Variants in GAS7 observed in about 807,000 individuals in gnomAD.
GAS7 encodes the protein growth arrest-specific protein 7.
In GAS7, 28 loss-of-function variants were observed where a neutral mutation model predicts 71.1. That is an observed-to-expected ratio of 0.39 (90% CI 0.29 to 0.54). GAS7 has a LOEUF of 0.54. Among genes scored for constraint, GAS7 ranks in the 20% least tolerant of loss-of-function variants. GAS7 has a pLI of 0.62. For missense variants in GAS7, 436 were observed against 627.8 expected (o/e 0.69, Z 3.27); for synonymous variants, 258 against 245.8 (o/e 1.05, Z -0.46).
At chr17:10,110,367 A>G (rs1028012194) in intron 1 of GAS7, among the ~76,000 whole-genome samples, 1 of 152,228 alleles carries the variant, frequency 6.6e-6, no homozygotes, top group Non-Finnish European at 1.5e-5. Context: ...AGATGAGAGT[A>G]GATAGTTAAC....
At chr17:10,122,892 G>A (rs762947991) in intron 1 of GAS7, among the ~76,000 whole-genome samples, 8 of 152,120 alleles carry the variant, frequency 5.3e-5, no homozygotes, top group Non-Finnish European at 1.0e-4. Context: ...GTGCAGTGGC[G>A]TGATCATGGC....
intron 1 of GAS7, among the ~76,000 whole-genome samples, chr17:10,154,096 G>A (rs2074186996): frequency 6.6e-6 from 1 of 152,112 alleles, no homozygotes; most frequent in South Asian, 2.1e-4. Context: ...AAGATAGAAA[G>A]GAAAGTAAAA....
intron 1 of GAS7, among the ~76,000 whole-genome samples, chr17:10,035,744 T>C (rs1042011104): frequency 6.6e-6 from 1 of 152,094 alleles, no homozygotes. Flanking sequence ...GTGGAAAGAT[T>C]GGTGAAACAA....
At chr17:10,030,449 G>A (rs1463740622) in intron 1 of GAS7, among the ~76,000 whole-genome samples, 2 of 152,256 alleles carry the variant, frequency 1.3e-5, no homozygotes, top group Admixed American at 1.3e-4. Flanking sequence ...ACCATGTCCT[G>A]TGGAACTGTG....
intron 1 of GAS7, among the ~76,000 whole-genome samples, chr17:10,182,199 A>C (rs2074421812): frequency 6.6e-6 from 1 of 152,104 alleles, no homozygotes; most frequent in South Asian, 2.1e-4. Context: ...CACTTTTGTC[A>C]CCCAGGCTGG....
At position 10,034,988 on chromosome 17, in the gene GAS7, A is replaced by T. The variant is rs1036173793; in HGVS notation, c.184-15091T>A. 7.2e-5 allele frequency among the ~76,000 whole-genome samples: 11 copies of T among 152,076 alleles called. No homozygotes were observed. Among genetic ancestry groups the T allele is most frequent in the African/African-American group, 2.2e-4 (9 of 41,400 alleles). ...GTGGAATTTTTCTGGGCCTGTTAGC[A>T]GTTAGCACTTCTGGCTGACTGCTCA... is the stretch of plus-strand genomic sequence containing the variant. On this transcript the variant is annotated intron_variant, in intron 1 of 13. Coordinates refer to ENST00000432992, the MANE Select transcript of GAS7 (RefSeq NM_201433.2). This position sits in a 1 kb window ranked among gnomAD's most constrained non-coding sequence, Gnocchi z 4.4.
chr17:10,110,717 C>T (rs1173517559), intron 1 of GAS7, among the ~76,000 whole-genome samples: 1 of 152,128 alleles, frequency 6.6e-6, no homozygotes, highest in African/African-American at 2.4e-5. Context: ...AGTGATCTGC[C>T]CGCCTCAGCC....
In GAS7 at chr17:10,064,137, C is replaced by T. The variant is rs544673010; in HGVS notation, c.184-44240G>A. Among the ~76,000 whole-genome samples the T allele has an allele frequency of 9.8e-5, 15 of 152,300 alleles. No homozygotes were observed. In the East Asian group the frequency reaches 2.7e-3, roughly 27 times the overall value. The stretch of plus-strand genomic sequence containing the variant: ...AGCGGCGGCTGCTGCAGCTTCTTGG[C>T]TCTCTCACTCAATCCCCTACACCTT... On this transcript the variant is annotated intron_variant, in intron 1 of 13. Coordinates refer to ENST00000432992, the MANE Select transcript of GAS7 (RefSeq NM_201433.2).
Position 10,111,852 on chromosome 17 carries a change from G to A in GAS7, c.183+86356C>T, listed in dbSNP as rs143300545. On this transcript the variant is annotated intron_variant, in intron 1 of 13. Transcript: ENST00000432992. ...GATACCCTGATGAAGAACTGCTGCC[G>A]TGTTTCGACTTGAGGAAACCTAGAC... Among the ~76,000 whole-genome samples, 110 of 152,298 alleles carry A rather than the reference G, an allele frequency of 7.2e-4. 1 individual carries two copies. The highest frequency in any genetic ancestry group is 2.3e-3 in the African/African-American group (97 of 41,566).
intron 4 of GAS7, among the ~76,000 whole-genome samples, chr17:9,967,073 G>A (rs923106331): frequency 1.3e-5 from 2 of 151,718 alleles, no homozygotes; most frequent in Non-Finnish European, 2.9e-5. Context: ...AAAAGAGTCT[G>A]ACTCAATCCG....
chr17:9,920,008 T>TGTGTGTGTGTGTGTGC (rs1555585021), intron 11 of GAS7, among the ~76,000 whole-genome samples: 1 of 143,832 alleles, frequency 7.0e-6, no homozygotes, highest in East Asian at 2.0e-4. Flanking sequence ...TGTGTGTGTG[T>TGTGTGTGTGTGTGTGC]GTGTGTGTCT....
At chr17:10,116,249 G>A (rs1461730926) in intron 1 of GAS7, among the ~76,000 whole-genome samples, 2 of 151,962 alleles carry the variant, frequency 1.3e-5, no homozygotes, top group Non-Finnish European at 2.9e-5. Flanking sequence ...AGGAGGCGGA[G>A]GTTGCAGTGA....
chr17:10,026,163 C>T lies in GAS7; in HGVS notation c.184-6266G>A, dbSNP rs1055496896. 8.9e-5 allele frequency: 88 copies of T among 985,306 alleles called. No homozygotes were observed. Among genetic ancestry groups the T allele is most frequent in the Non-Finnish European group, 9.4e-5 (78 of 829,904 alleles). The allele number at this position is 985,306 out of a possible 1,614,324, so 61.0% of individuals were successfully genotyped here. On this transcript the variant is annotated intron_variant, in intron 1 of 13. Transcript: ENST00000432992. This position sits in a 1 kb window ranked among gnomAD's most constrained non-coding sequence, Gnocchi z 4.5. ...CCTGACTCTTACCTTATCCTAAAGC[C>T]GTGAGCAAACGCTACTCGCTGGTGT...
intron 1 of GAS7, among the ~76,000 whole-genome samples, chr17:10,146,525 T>C (rs918041629): frequency 2.0e-5 from 3 of 152,124 alleles, no homozygotes; most frequent in African/African-American, 7.2e-5. Context: ...GTACAGTTGT[T>C]CAAGCCCCAC....
In GAS7 at chr17:10,196,834, G is replaced by A. The variant is rs865852321; in HGVS notation, c.183+1374C>T. On this transcript the variant is annotated intron_variant, in intron 1 of 13. Coordinates refer to ENST00000432992, the MANE Select transcript of GAS7 (RefSeq NM_201433.2). ...TTCTCATGTAAGAAGCAATACGTTC[G>A]CTTTCTTTTACATCCGAATCTCGGG... 8.5e-5 allele frequency among the ~76,000 whole-genome samples: 13 copies of A among 152,154 alleles called. No homozygotes were observed. The South Asian group carries it at 1.0e-3, about 12-fold the overall frequency.
chr17:10,099,323 C>G (rs2073675441), intron 1 of GAS7, among the ~76,000 whole-genome samples: 1 of 152,128 alleles, frequency 6.6e-6, no homozygotes, highest in African/African-American at 2.4e-5. Context: ...TCCACATGGC[C>G]CTGTGAGGCT....
At chr17:10,043,330 T>C (rs1184162776) in intron 1 of GAS7, among the ~76,000 whole-genome samples, 2 of 152,140 alleles carry the variant, frequency 1.3e-5, no homozygotes, top group Non-Finnish European at 2.9e-5. Context: ...ATGAACGATG[T>C]GAGTTCTGAG....
At chr17:9,980,560 G>A (rs766614191) in intron 3 of GAS7, among the ~76,000 whole-genome samples, 20 of 152,174 alleles carry the variant, frequency 1.3e-4, no homozygotes, top group South Asian at 2.1e-4. Context: ...CCACAACTTT[G>A]ACTTTCATGC....
intron 1 of GAS7, chr17:10,036,747 T>C (rs2072761666): frequency 2.5e-6 from 3 of 1,223,916 alleles, no homozygotes; most frequent in Non-Finnish European, 3.1e-6. Context: ...GCAATGTTTC[T>C]GGAGGCCTTT....
Sources: gnomAD v4.1 joint callset for allele counts (sites outside exome capture counted in the v4.1 genomes callset) on GRCh38, gnomAD v4.1.1 for gene constraint, Gnocchi (gnomAD v3.1) non-coding constraint, MANE v1.5 for transcripts, NCBI Gene and HGNC (gene_info 2026-07-23, HGNC 2026-07-21) for gene names.